CECR2: variants seen among roughly 807,000 people sequenced by gnomAD.
The protein encoded by CECR2 is CECR2 histone acetyl-lysine reader.
In CECR2, 30 loss-of-function variants were observed where a neutral mutation model predicts 154.5. The observed-to-expected ratio is 0.19, with a 90% CI of 0.15 to 0.26. CECR2 has a LOEUF of 0.26. Among genes scored for constraint, CECR2 ranks in the 10% least tolerant of loss-of-function variants. The pLI, the probability that CECR2 is intolerant of heterozygous loss-of-function variation, is 1.00. For missense variants in CECR2, 1,743 were observed against 1,829.3 expected, an observed-to-expected ratio of 0.95 and a Z score of 0.86; for synonymous variants, 725 against 683.7, an observed-to-expected ratio of 1.06 and a Z score of -0.94.
chr22:17,548,041 G>C, intron 16 of CECR2, 107 bp from the exon 17 acceptor site: 1 of 1,062,770 alleles, frequency 9.4e-7, no homozygotes, highest in African/African-American at 1.6e-5. Context: ...GGTGGGGCTT[G>C]AATCACCACA....
rs146272812 is a variant in CECR2 at position 17,416,278 on chromosome 22, A to G, written c.126+46369A>G. Among the ~76,000 whole-genome samples, 64 of 152,318 alleles carry G rather than the reference A, an allele frequency of 4.2e-4. 2 individuals carry two copies. Among genetic ancestry groups the G allele is most frequent in the African/African-American group, 1.5e-3 (63 of 41,578 alleles). On this transcript the variant is annotated intron_variant, in intron 1 of 18. Transcript: ENST00000262608. ...TCCTTAAAATGATTACTAATATGGAATTTGGAATTTCTTTTTGCTTTGTGA... is the reference window on the plus strand; with the variant it reads ...TCCTTAAAATGATTACTAATATGGAGTTTGGAATTTCTTTTTGCTTTGTGA...
intron 2 of CECR2, among the ~76,000 whole-genome samples, chr22:17,487,516 G>A (rs904245560): frequency 3.9e-5 from 6 of 152,110 alleles, no homozygotes; most frequent in Non-Finnish European, 7.4e-5. Flanking sequence ...TGGCTAACGC[G>A]GTGAAACCCC....
At chr22:17,375,952 CTCT>C (rs1435775392) in intron 1 of CECR2, among the ~76,000 whole-genome samples, 1 of 126,140 alleles carries the variant, frequency 7.9e-6, no homozygotes, top group African/African-American at 4.7e-5. Flanking sequence ...GAGAGGGAGA[CTCT>C]TATCTAAAAA....
rs147931822 is a variant in CECR2, at chr22:17,523,516, G to A, written c.955-602G>A. On this transcript the variant is annotated intron_variant, in intron 8 of 18. Transcript: ENST00000262608. ...TCACACCTATAATCCCTCCACTTTG[G>A]GAGGCTGAGGCAGGTGGATCACGTG... Among the ~76,000 whole-genome samples, 656 of 152,050 alleles carry A rather than the reference G, an allele frequency of 4.3e-3. 6 individuals carry two copies. The highest frequency in any genetic ancestry group is 0.014 in the African/African-American group (597 of 41,464).
chr22:17,532,811 G>A (rs1015739001), intron 9 of CECR2, among the ~76,000 whole-genome samples: 19 of 126,208 alleles, frequency 1.5e-4, no homozygotes, highest in East Asian at 5.1e-4. Context: ...TCCGCCTCCC[G>A]GGTTCAAATA....
At chr22:17,410,862 GATTC>G (rs1180357357) in intron 1 of CECR2, among the ~76,000 whole-genome samples, 1 of 152,152 alleles carries the variant, frequency 6.6e-6, no homozygotes, top group African/African-American at 2.4e-5. Context: ...TCTTTTCTCT[GATTC>G]ATTGTTTCTA....
intron 9 of CECR2, among the ~76,000 whole-genome samples, chr22:17,531,400 G>A (rs1200714689): frequency 6.6e-6 from 1 of 152,232 alleles, no homozygotes; most frequent in African/African-American, 2.4e-5. Flanking sequence ...GGAAATCGCT[G>A]TCTTCCTCAG....
At chr22:17,501,386 G>A (rs1384907200) in intron 5 of CECR2, among the ~76,000 whole-genome samples, 4 of 152,012 alleles carry the variant, frequency 2.6e-5, no homozygotes, top group Non-Finnish European at 5.9e-5. Flanking sequence ...GTGAAACCCC[G>A]TCTCTACTAA....
rs1255979923 is a variant in CECR2 at position 17,548,507 on chromosome 22, A to G, written c.3220A>G (p.Ser1074Gly). 1 of 1,613,814 alleles carries G rather than the reference A, an allele frequency of 6.2e-7. No individual in the cohort carries two copies. The highest frequency in any genetic ancestry group is 1.7e-5 in the Admixed American group (1 of 60,000). ...ATCGGAGGGGAAGGGCCTTGGTAGC[A>G]GTGGTTCCGAAAAGCTGCTCTGCCC... ...CGSEGKGLGSSGSEKLLCPRG... is the reference protein window; with the variant it reads ...CGSEGKGLGSGGSEKLLCPRG... Residue 1074 changes from serine to glycine, a missense_variant, in exon 17 of 19, where the codon AGT becomes GGT. This residue lies in a region of CECR2 where 1,250 missense variants were observed against 1,192.1 expected (regional missense o/e 1.05). Coordinates refer to ENST00000262608, the MANE Select transcript of CECR2 (RefSeq NM_001290047.2).
intron 1 of CECR2, among the ~76,000 whole-genome samples, chr22:17,458,274 G>A (rs1004681149): frequency 6.6e-5 from 10 of 152,098 alleles, no homozygotes; most frequent in Non-Finnish European, 1.0e-4. Context: ...AATTAGCCAG[G>A]TGTGGTGGCG....
intron 9 of CECR2, among the ~76,000 whole-genome samples, chr22:17,528,808 A>G (rs751463627): frequency 1.3e-5 from 2 of 152,188 alleles, no homozygotes; most frequent in African/African-American, 2.4e-5. Flanking sequence ...AGTGCTGGGA[A>G]TACAAGCGTG....
At chr22:17,426,593 G>C (rs1387730115) in intron 1 of CECR2, among the ~76,000 whole-genome samples, 1 of 152,178 alleles carries the variant, frequency 6.6e-6, no homozygotes, top group Non-Finnish European at 1.5e-5. Flanking sequence ...CTGACCTCAG[G>C]TGATCCGCCC....
At chr22:17,428,951 T>G (rs1569076841) in intron 1 of CECR2, among the ~76,000 whole-genome samples, 1 of 152,168 alleles carries the variant, frequency 6.6e-6, no homozygotes, top group East Asian at 1.9e-4. Context: ...TGGAGCTTGG[T>G]TGATGATGGA....
At chr22:17,509,427 CTT>C (rs11389089) in intron 7 of CECR2, among the ~76,000 whole-genome samples, 6 of 141,012 alleles carry the variant, frequency 4.3e-5, no homozygotes, top group Non-Finnish European at 4.6e-5. Context: ...TGTTTCTTTT[CTT>C]TTTTTTTTTT....
chr22:17,521,122 T>A (rs1376388354), intron 8 of CECR2, among the ~76,000 whole-genome samples: 1 of 152,252 alleles, frequency 6.6e-6, no homozygotes. Context: ...GACTTTTTAA[T>A]GATCGCCATT....
intron 1 of CECR2, among the ~76,000 whole-genome samples, chr22:17,447,033 C>CTGGTTTTTTTTTTTTT (rs1339121774): frequency 2.6e-5 from 3 of 114,104 alleles, no homozygotes; most frequent in African/African-American, 1.1e-4. Context: ...CGTTTACAAT[C>CTGGTTTTTTTTTTTTT]TTTTTTTTTT....
At chr22:17,367,316 G>A (rs1408691553), upstream of CECR2, among the ~76,000 whole-genome samples, 2 of 152,136 alleles carry the variant, frequency 1.3e-5, no homozygotes, top group Admixed American at 6.6e-5. Flanking sequence ...GGTGACAACT[G>A]AGAGGCGAGG....
At chr22:17,532,676 C>G (rs1601526453) in intron 9 of CECR2, among the ~76,000 whole-genome samples, 1 of 136,380 alleles carries the variant, frequency 7.3e-6, no homozygotes, top group African/African-American at 2.7e-5. Flanking sequence ...AGAAATTCAC[C>G]AAGTAGGTAT....
At chr22:17,404,981 C>CCT (rs996483051) in intron 1 of CECR2, among the ~76,000 whole-genome samples, 1 of 151,758 alleles carries the variant, frequency 6.6e-6, no homozygotes, top group African/African-American at 2.4e-5. Context: ...GATGATGGTA[C>CCT]CTCTCTCTCT....
Sources: gnomAD v4.1 joint callset for allele counts (sites outside exome capture counted in the v4.1 genomes callset) on GRCh38, gnomAD v4.1.1 for gene constraint, gnomAD v4.1.1 regional missense constraint, MANE v1.5 for transcripts, NCBI Gene and HGNC (gene_info 2026-07-23, HGNC 2026-07-21) for gene names.